NDNF: variants seen among roughly 807,000 people sequenced by gnomAD.
NDNF encodes the protein protein NDNF.
In NDNF, 16 loss-of-function variants were observed where a neutral mutation model predicts 42.0. The ratio of observed to expected loss-of-function variants is 0.38; its 90% CI spans 0.26 to 0.58. The LOEUF (loss-of-function observed/expected upper bound fraction) is 0.58. Ranked by LOEUF, NDNF falls within the 20% of genes least tolerant of loss-of-function variation. NDNF has a pLI of 0.67. For synonymous variants in NDNF, 248 were observed against 251.7 expected (o/e 0.99, Z 0.14); for missense variants, 616 against 666.2 (o/e 0.92, Z 0.83).
chr4:121,063,104 T>A (rs1360344656), intron 1 of NDNF, among the ~76,000 whole-genome samples: 3 of 152,166 alleles, frequency 2.0e-5, no homozygotes, highest in Non-Finnish European at 2.9e-5. Context: ...AAAATAATTT[T>A]AAAAATCTTA....
At chr4:121,070,996 A>G (rs1317799164) in intron 1 of NDNF, among the ~76,000 whole-genome samples, 3 of 152,220 alleles carry the variant, frequency 2.0e-5, no homozygotes, top group African/African-American at 4.8e-5. Context: ...GGCCTGGGAT[A>G]GGGTGCGGGC....
At chr4:121,061,709 TATTTATTC>T (rs1377439011) in intron 1 of NDNF, among the ~76,000 whole-genome samples, 3 of 152,214 alleles carry the variant, frequency 2.0e-5, no homozygotes, top group East Asian at 3.9e-4. Flanking sequence ...TTTATTCGTG[TATTTATTC>T]ATTTATTCAT....
intron 1 of NDNF, chr4:121,071,616 G>A (rs960034187): frequency 6.6e-6 from 1 of 152,420 alleles, no homozygotes; most frequent in Non-Finnish European, 1.5e-5. Flanking sequence ...TAAAGGCTCC[G>A]CGGCTCCCCA....
At chr4:121,046,638 C>T (rs531503842) in intron 1 of NDNF, among the ~76,000 whole-genome samples, 1 of 152,322 alleles carries the variant, frequency 6.6e-6, no homozygotes, top group South Asian at 2.1e-4. Context: ...ACTCACACAT[C>T]AAGCCAGAAA....
At chr4:121,065,155 C>T (rs1430665296) in intron 1 of NDNF, among the ~76,000 whole-genome samples, 7 of 152,134 alleles carry the variant, frequency 4.6e-5, no homozygotes, top group African/African-American at 1.7e-4. Flanking sequence ...GTCACCTCTG[C>T]CGTTCTTTGT....
intron 1 of NDNF, chr4:121,061,536 CT>C: frequency 6.6e-6 from 1 of 152,320 alleles, no homozygotes; most frequent in African/African-American, 2.4e-5. Context: ...TTCTCTGTCT[CT>C]TCTCTCCTAG....
intron 1 of NDNF, among the ~76,000 whole-genome samples, chr4:121,063,781 T>A (rs1727455787): frequency 6.6e-6 from 1 of 152,178 alleles, no homozygotes; most frequent in Admixed American, 6.5e-5. Context: ...ATTTCCCCTG[T>A]TAAAAAAGAC....
chr4:121,063,336 A>T (rs3956527), intron 1 of NDNF, among the ~76,000 whole-genome samples: 25,893 of 152,008 alleles, frequency 0.17, 3,880 homozygotes, highest in African/African-American at 0.4. Flanking sequence ...CTAATCCCAA[A>T]TTTTCTTATT....
intron 1 of NDNF, among the ~76,000 whole-genome samples, chr4:121,049,843 C>T (rs1342034287): frequency 2.0e-5 from 3 of 152,092 alleles, no homozygotes; most frequent in Non-Finnish European, 4.4e-5. Flanking sequence ...AATTGCTATG[C>T]CAATTATGGG....
At chr4:121,053,958 C>G (rs1487250070) in intron 1 of NDNF, among the ~76,000 whole-genome samples, 1 of 152,152 alleles carries the variant, frequency 6.6e-6, no homozygotes, top group Admixed American at 6.5e-5. Flanking sequence ...GGCAGCGCGC[C>G]AGTAGCATTC....
Position 121,036,722 on chromosome 4 carries a change from A to G in NDNF, c.1249T>C (p.Tyr417His), listed in dbSNP as rs992511066. 1.2e-6 allele frequency: 2 copies of G among 1,614,012 alleles called. No individual in the cohort carries two copies. Among genetic ancestry groups the G allele is most frequent in the African/African-American group, 2.7e-5 (2 of 74,922 alleles). ...TTGTTTCCTTTCAGTCGAACGAGGT[A>G]TTTAGCTTTAGGTTTTCCTCTAAGC... ...FQLRGKPKAK[Y>H]LVRLKGNKKG... Residue 417 changes from tyrosine to histidine, a missense_variant, in exon 4 of 4, where the codon TAC becomes CAC. Coordinates refer to ENST00000379692, the MANE Select transcript of NDNF (RefSeq NM_024574.4).
chr4:121,047,355 A>G (rs529373656), intron 1 of NDNF, among the ~76,000 whole-genome samples: 4 of 152,364 alleles, frequency 2.6e-5, no homozygotes, highest in African/African-American at 7.2e-5. Context: ...TACTATGTGC[A>G]AAGCACTGTT....
At chr4:121,052,022 C>T (rs963559677) in intron 1 of NDNF, among the ~76,000 whole-genome samples, 9 of 152,310 alleles carry the variant, frequency 5.9e-5, no homozygotes, top group African/African-American at 2.2e-4. Flanking sequence ...TGACCTTTCT[C>T]ATCACTGTAG....
chr4:121,061,020 C>G (rs1346183527), intron 1 of NDNF, among the ~76,000 whole-genome samples: 2 of 152,160 alleles, frequency 1.3e-5, no homozygotes, highest in Non-Finnish European at 2.9e-5. Context: ...ACTCTTTCCA[C>G]GCCCTGGAAA....
intron 1 of NDNF, among the ~76,000 whole-genome samples, chr4:121,056,182 C>T (rs1727291718): frequency 6.6e-6 from 1 of 152,120 alleles, no homozygotes; most frequent in Admixed American, 6.5e-5. Flanking sequence ...AAGCACCATC[C>T]CTGGAGGAAT....
chr4:121,062,145 T>C (rs564737637), intron 1 of NDNF, among the ~76,000 whole-genome samples: 2 of 152,166 alleles, frequency 1.3e-5, no homozygotes, highest in African/African-American at 4.8e-5. Flanking sequence ...TATTTACCTA[T>C]CAGGTAAAAG....
intron 3 of NDNF, 35 bp downstream of exon 3, chr4:121,039,895 C>G: frequency 6.3e-7 from 1 of 1,593,422 alleles, no homozygotes; most frequent in South Asian, 1.1e-5. Flanking sequence ...ACCATCCATT[C>G]AAAGGTCCAG....
chr4:121,046,404 A>G (rs532244087), intron 1 of NDNF, among the ~76,000 whole-genome samples: 3 of 152,340 alleles, frequency 2.0e-5, no homozygotes, highest in South Asian at 2.1e-4. Context: ...GGGGTTATAC[A>G]TATATAACTC....
At chr4:121,037,753 G>A (rs1293743704) in intron 3 of NDNF, 96 bp from the exon 4 acceptor site, 3 of 802,806 alleles carry the variant, frequency 3.7e-6, no homozygotes, top group African/African-American at 3.5e-5. Flanking sequence ...TCTCCGTTAT[G>A]AAAATAGTAC....
Sources: allele counts gnomAD v4.1 joint callset (sites outside exome capture counted in the v4.1 genomes callset), GRCh38; gene constraint gnomAD v4.1.1; transcripts MANE v1.5; gene names NCBI Gene and HGNC (gene_info 2026-07-23, HGNC 2026-07-21).